FAM13A: variants seen among roughly 807,000 people sequenced by gnomAD.
The protein encoded by FAM13A is family with sequence similarity 13 member A.
Under a neutral mutation model 129.6 loss-of-function variants are expected in FAM13A, and 76 were observed. That is an observed-to-expected ratio of 0.59 (90% CI 0.49 to 0.71). The LOEUF is 0.71. Among genes scored for constraint, FAM13A ranks in the 30% least tolerant of loss-of-function variants. FAM13A has a pLI of 0.00. For missense variants in FAM13A, 1,108 were observed against 1,249.3 expected (o/e 0.89, Z 1.70); for synonymous variants, 443 against 449.9 (o/e 0.98, Z 0.20).
intron 14 of FAM13A, among the ~76,000 whole-genome samples, chr4:88,752,695 C>T (rs373901668): frequency 6.6e-5 from 10 of 152,076 alleles, no homozygotes; most frequent in East Asian, 5.8e-4. Flanking sequence ...CAGCTCAAAA[C>T]GCCAACATAA....
At chr4:88,931,480 T>C (rs1002153593) in intron 5 of FAM13A, among the ~76,000 whole-genome samples, 1 of 152,130 alleles carries the variant, frequency 6.6e-6, no homozygotes, top group Non-Finnish European at 1.5e-5. Flanking sequence ...CCATGCAGGC[T>C]GCCTCAAACC....
chr4:88,855,262 T>C (rs897812639), intron 6 of FAM13A: 1 of 152,206 alleles, frequency 6.6e-6, no homozygotes, highest in African/African-American at 2.4e-5. Flanking sequence ...TTTCTTTTCT[T>C]TCAATTTATT....
In FAM13A at chr4:89,046,280, T is replaced by C. The variant is rs761463440; in HGVS notation, c.27+10658A>G. The stretch of plus-strand genomic sequence containing the variant: ...ATAACCATGTAATATGAAGAAGAAA[T>C]GAAAAACCTGGAACAGTTATACTCA... On this transcript the variant is annotated intron_variant, in intron 1 of 23. Transcript: ENST00000264344. Among the ~76,000 whole-genome samples, 4 of 151,572 alleles carry C rather than the reference T, an allele frequency of 2.6e-5. No individual in the cohort carries two copies. The East Asian group carries it at 5.8e-4, about 22-fold the overall frequency.
intron 6 of FAM13A, among the ~76,000 whole-genome samples, chr4:88,854,271 C>T (rs1738114050): frequency 6.6e-6 from 1 of 152,196 alleles, no homozygotes. Context: ...TTAGACCCAC[C>T]TTATCTCAGC....
chr4:88,894,202 A>G (rs983076883), intron 6 of FAM13A, among the ~76,000 whole-genome samples: 1 of 152,248 alleles, frequency 6.6e-6, no homozygotes, highest in Admixed American at 6.5e-5. Context: ...TTACGATCTA[A>G]TATTTCCATG....
At chr4:88,915,197 C>G (rs1205959111) in intron 5 of FAM13A, among the ~76,000 whole-genome samples, 3 of 152,208 alleles carry the variant, frequency 2.0e-5, no homozygotes, top group African/African-American at 7.2e-5. Flanking sequence ...TCACTCTTTA[C>G]AACCCCATAG....
chr4:88,831,818 C>T (rs1733925155), intron 7 of FAM13A, among the ~76,000 whole-genome samples: 1 of 152,030 alleles, frequency 6.6e-6, no homozygotes, highest in South Asian at 2.1e-4. Context: ...GGCCACACTG[C>T]CCAAAATAAT....
intron 5 of FAM13A, among the ~76,000 whole-genome samples, chr4:88,909,717 C>T (rs1462563808): frequency 1.3e-5 from 2 of 152,050 alleles, no homozygotes; most frequent in Non-Finnish European, 2.9e-5. Context: ...TATCTCTTGA[C>T]CTTGTGATCC....
At chr4:88,850,972 G>T in intron 7 of FAM13A, 48 bp downstream of exon 7, 1 of 1,576,744 alleles carries the variant, frequency 6.3e-7, no homozygotes, top group South Asian at 1.1e-5. Context: ...CTAAACATAA[G>T]AGCGAATAAT....
intron 6 of FAM13A, among the ~76,000 whole-genome samples, chr4:88,858,555 C>T (rs764474344): frequency 2.0e-5 from 3 of 152,040 alleles, no homozygotes; most frequent in African/African-American, 4.8e-5. Context: ...GGGTGGAATA[C>T]GATCAGTAAT....
chr4:88,778,483 A>C (rs1722208626), intron 11 of FAM13A, among the ~76,000 whole-genome samples: 1 of 152,104 alleles, frequency 6.6e-6, no homozygotes, highest in African/African-American at 2.4e-5. Flanking sequence ...TCCAGGGGGA[A>C]CCATTCATGT....
At chr4:88,745,201 T>C (rs1311936569) in intron 19 of FAM13A, among the ~76,000 whole-genome samples, 1 of 152,118 alleles carries the variant, frequency 6.6e-6, no homozygotes, top group Non-Finnish European at 1.5e-5. Context: ...CATCATTTAA[T>C]CTCCTTGGCA....
At chr4:88,750,226 A>T (rs978578366) in intron 15 of FAM13A, among the ~76,000 whole-genome samples, 198 bp downstream of exon 15, 1 of 152,142 alleles carries the variant, frequency 6.6e-6, no homozygotes, top group Admixed American at 6.5e-5. Flanking sequence ...AGAAAATTCA[A>T]TATGTGATGT....
intron 6 of FAM13A, among the ~76,000 whole-genome samples, chr4:88,870,639 A>G (rs1741215125): frequency 6.6e-6 from 1 of 152,162 alleles, no homozygotes; most frequent in Non-Finnish European, 1.5e-5. Flanking sequence ...AGGAAGCTCG[A>G]ACTGGTTGGA....
At chr4:88,827,507 C>T (rs956778573) in intron 7 of FAM13A, among the ~76,000 whole-genome samples, 3 of 152,166 alleles carry the variant, frequency 2.0e-5, no homozygotes, top group Non-Finnish European at 4.4e-5. Context: ...TAGTTAAGTG[C>T]TCAATAATTA....
At chr4:88,982,496 T>C (rs553048408) in intron 4 of FAM13A, among the ~76,000 whole-genome samples, 1 of 152,336 alleles carries the variant, frequency 6.6e-6, no homozygotes, top group South Asian at 2.1e-4. Flanking sequence ...GGTCCTGTTT[T>C]ACAAAAATTT....
chr4:88,895,333 A>C (rs1190980689), intron 6 of FAM13A, among the ~76,000 whole-genome samples: 1 of 152,172 alleles, frequency 6.6e-6, no homozygotes, highest in Non-Finnish European at 1.5e-5. Flanking sequence ...GCCCATCAAC[A>C]CTGATTTTAA....
intron 5 of FAM13A, among the ~76,000 whole-genome samples, chr4:88,916,508 C>T (rs766163921): frequency 2.2e-4 from 33 of 152,208 alleles, no homozygotes; most frequent in Non-Finnish European, 3.1e-4. Flanking sequence ...TGCTTTCCTT[C>T]GATCATCTAA....
chr4:88,834,734 A>G (rs538158144), intron 7 of FAM13A, among the ~76,000 whole-genome samples: 3 of 152,338 alleles, frequency 2.0e-5, no homozygotes, highest in Admixed American at 1.3e-4. Context: ...TCTGGAAATA[A>G]TATCATCCTA....
Sources: gnomAD v4.1 joint callset for allele counts (sites outside exome capture counted in the v4.1 genomes callset) on GRCh38, gnomAD v4.1.1 for gene constraint, MANE v1.5 for transcripts, NCBI Gene and HGNC (gene_info 2026-07-23, HGNC 2026-07-21) for gene names.